Variants in HDAC9 observed in about 807,000 individuals in gnomAD.
The protein encoded by HDAC9 is MEF-2 interacting transcription repressor (MITR) protein.
Under a neutral mutation model 139.4 loss-of-function variants are expected in HDAC9, and 41 were observed. The observed-to-expected ratio is 0.29, with a 90% CI of 0.23 to 0.38. The LOEUF is 0.38. Ranked by LOEUF, HDAC9 falls within the 10% of genes least tolerant of loss-of-function variation. The probability of loss-of-function intolerance (pLI) is 1.00; values close to 1 mark genes in which losing one functional copy is unlikely to be tolerated. For missense variants in HDAC9, 1,147 were observed against 1,297.0 expected (o/e 0.88, Z 1.78); for synonymous variants, 517 against 476.2 (o/e 1.09, Z -1.12).
In HDAC9 at chr7:18,407,233, C is replaced by A. The variant is rs1265381445; in HGVS notation, c.-41-89029C>A. Among the ~76,000 whole-genome samples the A allele has an allele frequency of 2.6e-5, 4 of 152,218 alleles. No homozygotes were observed. The East Asian group carries it at 7.7e-4, about 29-fold the overall frequency. On this transcript the variant is annotated intron_variant, in intron 1 of 3. Coordinates refer to the HDAC9 transcript ENST00000413509. The stretch of plus-strand genomic sequence containing the variant: ...GTTTTGTTCACCTATTTATTGAGTT[C>A]TTTGCTCTATATCTAGAAAAACTCC...
At chr7:18,895,021 C>T (rs978067498) in intron 22 of HDAC9, among the ~76,000 whole-genome samples, 1 of 151,884 alleles carries the variant, frequency 6.6e-6, no homozygotes, top group Admixed American at 6.6e-5. Context: ...TTCGAATGGG[C>T]AAGAACATTT....
chr7:18,123,085 C>T (rs779890724), intron 1 of HDAC9, among the ~76,000 whole-genome samples: 1 of 152,146 alleles, frequency 6.6e-6, no homozygotes, highest in African/African-American at 2.4e-5. Flanking sequence ...TAATAAATAG[C>T]CCAATACCTA....
chr7:18,259,031 A>G (rs1324334450), intron 2 of HDAC9, among the ~76,000 whole-genome samples: 1 of 130,444 alleles, frequency 7.7e-6, no homozygotes, highest in Non-Finnish European at 1.6e-5. Context: ...GTGCAGTGGC[A>G]TGATCTTGGC....
intron 2 of HDAC9, among the ~76,000 whole-genome samples, chr7:18,545,832 A>G (rs1310459951): frequency 6.6e-6 from 1 of 152,190 alleles, no homozygotes; most frequent in African/African-American, 2.4e-5. Context: ...CTGGTTCACT[A>G]TGCACTACAA....
At chr7:18,914,517 G>T (rs182274697) in intron 22 of HDAC9, among the ~76,000 whole-genome samples, 171 of 151,798 alleles carry the variant, frequency 1.1e-3, no homozygotes, top group Middle Eastern at 0.01. Context: ...ATGAATTTGG[G>T]GTACATAATG....
chr7:18,963,946 T>A (rs1457974079), intron 24 of HDAC9, among the ~76,000 whole-genome samples: 1 of 152,194 alleles, frequency 6.6e-6, no homozygotes, highest in Non-Finnish European at 1.5e-5. Context: ...TAACATTCAT[T>A]TGCCCTTCTA....
At position 18,824,809 on chromosome 7, in the gene HDAC9, G is replaced by A. The variant is rs929451582; in HGVS notation, c.2323-4352G>A. ...GCTCTGGTTTCTTATCCACTGTGTG[G>A]ATGTAAGAATAATTACTGGAGGAGT... On this transcript the variant is annotated intron_variant, in intron 17 of 25. Transcript: ENST00000686413. Among the ~76,000 whole-genome samples, 9 of 152,170 alleles carry A rather than the reference G, an allele frequency of 5.9e-5. No individual in the cohort carries two copies. The South Asian group carries it at 1.7e-3, about 28-fold the overall frequency.
rs748200932 is a variant in HDAC9 at position 18,727,718 on chromosome 7, C to G, written c.1870C>G (p.Pro624Ala). The change falls in exon 13 of 26, where the codon CCA becomes GCA. Residue 624 changes from proline (P) to alanine (A), a missense_variant. By Grantham distance (27) the Pro-to-Ala change is conservative (BLOSUM62 -1). Transcript: ENST00000686413. Reference protein sequence around the residue: ...SSPAASVLPHPAMDRPLQPGS... With the variant: ...SSPAASVLPHAAMDRPLQPGS... ...CCCTGCTGCCTCTGTTTTACCTCAC[C>G]CAGCAATGGACCGCCCCCTCCAGCC... 5 of 1,573,840 alleles carry G rather than the reference C, an allele frequency of 3.2e-6. No individual in the cohort carries two copies. Among genetic ancestry groups the G allele is most frequent in the Non-Finnish European group, 4.3e-6 (5 of 1,165,430 alleles).
chr7:18,674,073 T>A (rs1795820776), intron 12 of HDAC9, among the ~76,000 whole-genome samples: 1 of 151,998 alleles, frequency 6.6e-6, no homozygotes, highest in South Asian at 2.1e-4. Context: ...GGATAGATGA[T>A]CTTGTAGTCA....
rs151332583 is a variant in HDAC9 at position 18,088,649 on chromosome 7, G to A, written c.-97+1436G>A. ...AAGATATCTTTTGACCTTCTTTTTC[G>A]TACTTTTGATTTTTATTATGGAAAT... On this transcript the variant is annotated intron_variant, in intron 1 of 12. Coordinates refer to the HDAC9 transcript ENST00000417496. Among the ~76,000 whole-genome samples, 335 of 152,060 alleles carry A rather than the reference G, an allele frequency of 2.2e-3. 3 individuals carry two copies. Among genetic ancestry groups the A allele is most frequent in the Admixed American group, 3.1e-3 (47 of 15,284 alleles).
In HDAC9 at chr7:18,586,563, T is replaced by C. The variant is rs542073091; in HGVS notation, c.264+1041T>C. Among the ~76,000 whole-genome samples, 3 of 152,240 alleles carry C rather than the reference T, an allele frequency of 2.0e-5. No individual in the cohort carries two copies. In the South Asian group the frequency reaches 6.2e-4, roughly 32 times the overall value. The stretch of plus-strand genomic sequence containing the variant: ...ATACAGATAACTGATGTTACTAGTA[T>C]GTAATTTTACCACATTAATATGACA... On this transcript the variant is annotated intron_variant, in intron 3 of 25. Coordinates refer to ENST00000686413, the MANE Select transcript of HDAC9 (RefSeq NM_178425.4).
chr7:18,698,495 T>C (rs1366724884), intron 12 of HDAC9, among the ~76,000 whole-genome samples: 1 of 152,230 alleles, frequency 6.6e-6, no homozygotes, highest in African/African-American at 2.4e-5. Context: ...TTTTAATAGC[T>C]TGCCACACTT....
At chr7:18,939,160 C>A (rs1347745429) in intron 23 of HDAC9, among the ~76,000 whole-genome samples, 1 of 152,106 alleles carries the variant, frequency 6.6e-6, no homozygotes, top group East Asian at 1.9e-4. Flanking sequence ...GTTGCATAAG[C>A]ACAACCTAAA....
At chr7:18,222,128 A>G (rs1792748092) in intron 2 of HDAC9, among the ~76,000 whole-genome samples, 1 of 151,284 alleles carries the variant, frequency 6.6e-6, no homozygotes, top group African/African-American at 2.5e-5. Context: ...TAGTATGGGG[A>G]ACTTCTGAGT....
chr7:18,442,556 G>A (rs897784783), intron 1 of HDAC9, among the ~76,000 whole-genome samples: 5 of 152,072 alleles, frequency 3.3e-5, no homozygotes, highest in East Asian at 1.9e-4. Context: ...AAAATCAGTC[G>A]GATATCTTAG....
At chr7:18,457,107 T>G (rs924896173) in intron 1 of HDAC9, among the ~76,000 whole-genome samples, 1 of 152,204 alleles carries the variant, frequency 6.6e-6, no homozygotes, top group Non-Finnish European at 1.5e-5. Context: ...CCAGGATTCC[T>G]TGGAGATACT....
intron 1 of HDAC9, among the ~76,000 whole-genome samples, chr7:18,458,681 T>G (rs1793568061): frequency 6.6e-6 from 1 of 152,218 alleles, no homozygotes; most frequent in South Asian, 2.1e-4. Flanking sequence ...AAACTTTTTT[T>G]TGTGGCTTAA....
chr7:18,867,739 C>T (rs552613210), intron 21 of HDAC9, among the ~76,000 whole-genome samples: 13 of 152,126 alleles, frequency 8.5e-5, no homozygotes, highest in African/African-American at 2.9e-4. Flanking sequence ...TATCTTCTGT[C>T]GTAAGTTGAT....
At chr7:18,693,458 CTAAA>C (rs1158503242) in intron 12 of HDAC9, among the ~76,000 whole-genome samples, 1 of 152,060 alleles carries the variant, frequency 6.6e-6, no homozygotes, top group Non-Finnish European at 1.5e-5. Flanking sequence ...GTTTGTTTAA[CTAAA>C]TATTCAATAT....
Sources: gnomAD v4.1 joint callset for allele counts (sites outside exome capture counted in the v4.1 genomes callset) on GRCh38, gnomAD v4.1.1 for gene constraint, MANE v1.5 for transcripts, NCBI Gene and HGNC (gene_info 2026-07-23, HGNC 2026-07-21) for gene names.